The following MAPK8 variants were observed in gnomAD, a reference collection of about 807,000 sequenced individuals.
MAPK8 encodes mitogen-activated protein kinase 8.
Under a neutral mutation model 52.9 loss-of-function variants are expected in MAPK8, and 13 were observed. That is an observed-to-expected ratio of 0.25 (90% CI 0.16 to 0.39). MAPK8 has a LOEUF of 0.39. Among genes scored for constraint, MAPK8 ranks in the 10% least tolerant of loss-of-function variants. The pLI is 1.00. For synonymous variants in MAPK8, 191 were observed against 169.8 expected, an observed-to-expected ratio of 1.12 and a Z score of -0.97; for missense variants, 300 against 519.2, an observed-to-expected ratio of 0.58 and a Z score of 4.10.
chr10:48,346,089 CT>C (rs1463314916), intron 1 of MAPK8, among the ~76,000 whole-genome samples: 2 of 152,146 alleles, frequency 1.3e-5, no homozygotes, highest in African/African-American at 4.8e-5. Context: ...CCCGTCTTCC[CT>C]TCACCCCCAA....
At chr10:48,356,819 G>C (rs1266568323) in intron 1 of MAPK8, among the ~76,000 whole-genome samples, 1 of 111,278 alleles carries the variant, frequency 9.0e-6, no homozygotes, top group Admixed American at 1.3e-4. Flanking sequence ...TCCAGCCTGG[G>C]TGACAGAGTG....
chr10:48,407,146 C>G (rs568157841), intron 3 of MAPK8, among the ~76,000 whole-genome samples: 53 of 152,228 alleles, frequency 3.5e-4, no homozygotes, highest in African/African-American at 1.2e-3. Context: ...CTTCCTTGTT[C>G]TGACTTTTCA....
intron 1 of MAPK8, among the ~76,000 whole-genome samples, chr10:48,321,619 C>G (rs890097147): frequency 6.6e-6 from 1 of 152,120 alleles, no homozygotes; most frequent in Non-Finnish European, 1.5e-5. Context: ...TCTGCATTTT[C>G]TTCTGAGTTT....
intron 1 of MAPK8, among the ~76,000 whole-genome samples, chr10:48,318,698 TA>T (rs1842723169): frequency 6.6e-6 from 1 of 152,022 alleles, no homozygotes; most frequent in East Asian, 1.9e-4. Flanking sequence ...TCTGAGGTAT[TA>T]AAAAAGGGTC....
At chr10:48,358,883 C>G (rs1446206215) in intron 1 of MAPK8, among the ~76,000 whole-genome samples, 1 of 152,154 alleles carries the variant, frequency 6.6e-6, no homozygotes, top group Non-Finnish European at 1.5e-5. Flanking sequence ...TCCCTCTTGT[C>G]TTGACACCCT....
chr10:48,371,183 A>AT (rs2132627957), intron 1 of MAPK8, among the ~76,000 whole-genome samples: 1 of 152,266 alleles, frequency 6.6e-6, no homozygotes, highest in South Asian at 2.1e-4. Context: ...CAATATACTG[A>AT]TATTTTTAAA....
chr10:48,423,445 T>C (rs977503746), intron 6 of MAPK8, among the ~76,000 whole-genome samples: 3 of 152,200 alleles, frequency 2.0e-5, no homozygotes, highest in African/African-American at 7.2e-5. Context: ...CTCTGTGCAC[T>C]TGTTCCTTTT....
intron 10 of MAPK8, 137 bp downstream of exon 10, chr10:48,427,280 A>G (rs2043744514): frequency 3.6e-6 from 2 of 561,026 alleles, no homozygotes; most frequent in Non-Finnish European, 3.2e-6. Context: ...TTTTTACATA[A>G]GTAGAAAGTA....
intron 1 of MAPK8, among the ~76,000 whole-genome samples, chr10:48,329,113 A>G (rs1210794278): frequency 6.6e-6 from 1 of 152,214 alleles, no homozygotes; most frequent in Non-Finnish European, 1.5e-5. Flanking sequence ...GGGGAAACTC[A>G]GGCAAGATGA....
chr10:48,337,461 T>C (rs1844800844), intron 1 of MAPK8, among the ~76,000 whole-genome samples: 1 of 151,546 alleles, frequency 6.6e-6, no homozygotes, highest in African/African-American at 2.4e-5. Context: ...CAAAATAGAG[T>C]TAAGAGGAAA....
intron 1 of MAPK8, among the ~76,000 whole-genome samples, chr10:48,347,070 T>C (rs577964653): frequency 7.9e-5 from 12 of 152,234 alleles, no homozygotes; most frequent in African/African-American, 2.9e-4. Context: ...CTTGTCTCTT[T>C]GTCTTGTGTC....
intron 1 of MAPK8, among the ~76,000 whole-genome samples, chr10:48,322,225 T>C (rs950214691): frequency 6.6e-6 from 1 of 152,106 alleles, no homozygotes; most frequent in Non-Finnish European, 1.5e-5. Context: ...TCCTAAAGAA[T>C]TCATCAGAGA....
chr10:48,322,198 A>G (rs1843062121), intron 1 of MAPK8, among the ~76,000 whole-genome samples: 1 of 152,222 alleles, frequency 6.6e-6, no homozygotes, highest in Non-Finnish European at 1.5e-5. Flanking sequence ...AGGAGGGCAT[A>G]GAACAGCTAT....
intron 1 of MAPK8, among the ~76,000 whole-genome samples, chr10:48,315,573 AT>A (rs1216880064): frequency 2.1e-5 from 3 of 146,046 alleles, no homozygotes; most frequent in African/African-American, 7.5e-5. Flanking sequence ...AAACATTAAA[AT>A]TTTTTTTTGC....
intron 1 of MAPK8, among the ~76,000 whole-genome samples, chr10:48,316,485 T>C (rs746282801): frequency 1.3e-5 from 2 of 152,246 alleles, no homozygotes; most frequent in Non-Finnish European, 2.9e-5. Context: ...TATAGGCTGC[T>C]TTCTATGTGC....
At chr10:48,405,611 T>A (rs963784576) in intron 3 of MAPK8, among the ~76,000 whole-genome samples, 1 of 152,264 alleles carries the variant, frequency 6.6e-6, no homozygotes, top group Non-Finnish European at 1.5e-5. Flanking sequence ...TATACTTTTT[T>A]AAACTTACAT....
chr10:48,316,937 A>G (rs575836942), intron 1 of MAPK8, among the ~76,000 whole-genome samples: 3 of 152,132 alleles, frequency 2.0e-5, no homozygotes, highest in African/African-American at 7.2e-5. Flanking sequence ...TCCTAATGGT[A>G]TAGGAGCTAA....
intron 1 of MAPK8, among the ~76,000 whole-genome samples, chr10:48,375,417 G>A (rs755612387): frequency 2.0e-5 from 3 of 152,100 alleles, no homozygotes; most frequent in African/African-American, 7.2e-5. Flanking sequence ...AAGAAATAAA[G>A]GGTATTCAGT....
At chr10:48,356,757 G>A (rs1052707141) in intron 1 of MAPK8, among the ~76,000 whole-genome samples, 1 of 142,564 alleles carries the variant, frequency 7.0e-6, no homozygotes, top group Non-Finnish European at 1.5e-5. Context: ...CAGGAGAATC[G>A]TTTCAACCTG....
Sources: gnomAD v4.1 joint callset for allele counts (sites outside exome capture counted in the v4.1 genomes callset) on GRCh38, gnomAD v4.1.1 for gene constraint, MANE v1.5 for transcripts, NCBI Gene and HGNC (gene_info 2026-07-23, HGNC 2026-07-21) for gene names.